Variants in TRDN observed in about 807,000 individuals in gnomAD.
The protein encoded by TRDN is triadin.
Under a neutral mutation model 149.7 loss-of-function variants are expected in TRDN, and 161 were observed. That is an observed-to-expected ratio of 1.08 (90% confidence interval 0.95 to 1.23). TRDN has a LOEUF of 1.23. TRDN is among the 50% of genes most tolerant of loss of function. The pLI, the probability that TRDN is intolerant of heterozygous loss-of-function variation, is 0.00. For synonymous variants in TRDN, 294 were observed against 250.5 expected (o/e 1.17, Z -1.64); for missense variants, 896 against 823.5 (o/e 1.09, Z -1.08).
At chr6:123,289,453 G>A (rs775309696) in intron 24 of TRDN, among the ~76,000 whole-genome samples, 78 of 152,028 alleles carry the variant, frequency 5.1e-4, no homozygotes, top group Non-Finnish European at 1.0e-3. Flanking sequence ...GAGGTAGGGG[G>A]CAGAACTCAA....
chr6:123,421,080 G>A (rs1773878972), intron 12 of TRDN, among the ~76,000 whole-genome samples: 2 of 152,136 alleles, frequency 1.3e-5, no homozygotes, highest in African/African-American at 2.4e-5. Flanking sequence ...ATTCTCTGAG[G>A]AAATTTATCT....
At chr6:123,393,777 A>C (rs954068046) in intron 12 of TRDN, 100 bp from the exon 13 acceptor site, 2 of 1,181,894 alleles carry the variant, frequency 1.7e-6, no homozygotes, top group African/African-American at 3.1e-5. Context: ...GAGCATAAAA[A>C]GTGTTGCTTT....
chr6:123,529,449 T>C (rs2114332017), intron 5 of TRDN: 1 of 1,156,412 alleles, frequency 8.6e-7, no homozygotes, highest in South Asian at 1.3e-5. Context: ...ATTCAAACAT[T>C]AGGATTAAAG....
At chr6:123,256,112 C>A (rs1776549709) in intron 35 of TRDN, among the ~76,000 whole-genome samples, 1 of 151,944 alleles carries the variant, frequency 6.6e-6, no homozygotes, top group Non-Finnish European at 1.5e-5. Context: ...CAGAGAGGCC[C>A]CAATGTGTGA....
At chr6:123,406,451 A>T (rs1291630808) in intron 12 of TRDN, among the ~76,000 whole-genome samples, 1 of 152,136 alleles carries the variant, frequency 6.6e-6, no homozygotes, top group Non-Finnish European at 1.5e-5. Flanking sequence ...GCATGTTGTC[A>T]ATATAACAAG....
chr6:123,466,318 A>C (rs1232159875), intron 9 of TRDN, among the ~76,000 whole-genome samples: 1 of 152,208 alleles, frequency 6.6e-6, no homozygotes, highest in Non-Finnish European at 1.5e-5. Flanking sequence ...AGTGTTTACT[A>C]TGTGCCAAGA....
intron 12 of TRDN, among the ~76,000 whole-genome samples, chr6:123,407,247 C>G (rs1347261109): frequency 2.6e-5 from 4 of 152,136 alleles, no homozygotes; most frequent in African/African-American, 9.7e-5. Context: ...AATAAAGTTG[C>G]TTTCTGCTTA....
chr6:123,502,498 T>C (rs1778742499), intron 8 of TRDN: 1 of 905,918 alleles, frequency 1.1e-6, no homozygotes, highest in Non-Finnish European at 1.3e-6. Flanking sequence ...TTAAAATATA[T>C]ATTTTTAAAA....
At chr6:123,437,391 T>A (rs1052639943) in intron 12 of TRDN, 1 of 251,320 alleles carries the variant, frequency 4.0e-6, no homozygotes. Flanking sequence ...ATTTTTTTTT[T>A]TTTTTTTTTT....
At chr6:123,505,523 A>G (rs1458117344) in intron 7 of TRDN, among the ~76,000 whole-genome samples, 3 of 152,116 alleles carry the variant, frequency 2.0e-5, no homozygotes. Context: ...TAGGTATTGG[A>G]GAATATTCTC....
At chr6:123,281,171 A>T (rs897379201) in intron 24 of TRDN, among the ~76,000 whole-genome samples, 4 of 152,096 alleles carry the variant, frequency 2.6e-5, no homozygotes, top group Non-Finnish European at 4.4e-5. Flanking sequence ...TGTTCTTAAG[A>T]TGTAAATACT....
At chr6:123,393,895 A>G (rs1383743378) in intron 12 of TRDN, among the ~76,000 whole-genome samples, 1 of 152,184 alleles carries the variant, frequency 6.6e-6, no homozygotes, top group Non-Finnish European at 1.5e-5. Context: ...TAAGATAAAG[A>G]TTCCAAACAC....
intron 1 of TRDN, among the ~76,000 whole-genome samples, chr6:123,628,558 G>T (rs557520934): frequency 6.6e-6 from 1 of 151,932 alleles, no homozygotes; most frequent in Non-Finnish European, 1.5e-5. Flanking sequence ...GGAAATGAAC[G>T]CATGCTGTTG....
At chr6:123,438,370 A>C (rs922065173) in intron 11 of TRDN, among the ~76,000 whole-genome samples, 9 of 152,008 alleles carry the variant, frequency 5.9e-5, no homozygotes, top group African/African-American at 2.2e-4. Context: ...TAACAGTGAA[A>C]ACATTAAATG....
At chr6:123,443,315 C>G (rs1017396856) in intron 10 of TRDN, among the ~76,000 whole-genome samples, 2 of 150,852 alleles carry the variant, frequency 1.3e-5, no homozygotes, top group African/African-American at 2.4e-5. Flanking sequence ...AAATTAAAGC[C>G]TGAGACCATA....
chr6:123,609,864 T>C (rs942149693), intron 1 of TRDN, among the ~76,000 whole-genome samples: 1 of 152,154 alleles, frequency 6.6e-6, no homozygotes, highest in Non-Finnish European at 1.5e-5. Context: ...CAGTCTCTAT[T>C]CCTAGCTCCT....
chr6:123,477,147 C>T (rs1225510015), intron 9 of TRDN, among the ~76,000 whole-genome samples: 34 of 139,772 alleles, frequency 2.4e-4, no homozygotes, highest in Admixed American at 5.1e-4. Context: ...AGAAAATTTT[C>T]GCAACCTACT....
At chr6:123,289,039 A>G (rs112079085) in intron 24 of TRDN, among the ~76,000 whole-genome samples, 1,725 of 143,914 alleles carry the variant, frequency 0.012, 24 homozygotes, top group African/African-American at 0.037. Context: ...GTGTGTGTGT[A>G]TATATATATA....
At chr6:123,382,172 A>C in intron 14 of TRDN, 25 bp from the exon 15 acceptor site, 1 of 1,460,204 alleles carries the variant, frequency 6.8e-7, no homozygotes, top group Non-Finnish European at 9.2e-7. Flanking sequence ...ATAAATTATT[A>C]ATAAAACAGA....
Sources: allele counts gnomAD v4.1 joint callset (sites outside exome capture counted in the v4.1 genomes callset), GRCh38; gene constraint gnomAD v4.1.1; transcripts MANE v1.5; gene names NCBI Gene and HGNC (gene_info 2026-07-23, HGNC 2026-07-21).